Variants in MAF observed in about 807,000 individuals in gnomAD.
MAF encodes transcription factor Maf.
In MAF, 10 loss-of-function variants were observed where a neutral mutation model predicts 22.0. The ratio of observed to expected loss-of-function variants is 0.45; its 90% confidence interval spans 0.28 to 0.77. The LOEUF (loss-of-function observed/expected upper bound fraction) is 0.77, where lower values mean the gene tolerates loss of function less well. Among genes scored for constraint, MAF ranks in the 30% least tolerant of loss-of-function variants. MAF has a pLI of 0.12. For missense variants in MAF, 544 were observed against 548.4 expected, an observed-to-expected ratio of 0.99 and a Z score of 0.08; for synonymous variants, 337 against 255.8, an observed-to-expected ratio of 1.32 and a Z score of -3.03.
At chr16:79,491,749 A>C in the MAF span, among the ~76,000 whole-genome samples, 1 of 152,218 alleles carries the variant, frequency 6.6e-6, no homozygotes, top group East Asian at 1.9e-4. Context: ...TAATAAACCA[A>C]GCCCTGAAAA....
chr16:79,431,491 A>T, the MAF span, among the ~76,000 whole-genome samples: 1 of 152,194 alleles, frequency 6.6e-6, no homozygotes, highest in Non-Finnish European at 1.5e-5. Flanking sequence ...GTATTTAAAT[A>T]TTCCTGGGTT....
At chr16:79,391,244 T>A in the MAF span, among the ~76,000 whole-genome samples, 2 of 152,206 alleles carry the variant, frequency 1.3e-5, no homozygotes, top group East Asian at 1.9e-4. Context: ...ATGGGAATAA[T>A]AATGACATGC....
chr16:79,548,441 A>G, the MAF span, among the ~76,000 whole-genome samples: 1 of 152,210 alleles, frequency 6.6e-6, no homozygotes, highest in Non-Finnish European at 1.5e-5. Flanking sequence ...ATAACAAGGA[A>G]AAAACAGCTT....
At chr16:79,440,506 G>T in the MAF span, among the ~76,000 whole-genome samples, 2 of 152,096 alleles carry the variant, frequency 1.3e-5, no homozygotes, top group African/African-American at 4.8e-5. Flanking sequence ...TGCAATCTTG[G>T]CTCATTACAA....
At chr16:79,566,101 C>T in the MAF span, among the ~76,000 whole-genome samples, 1 of 152,188 alleles carries the variant, frequency 6.6e-6, no homozygotes, top group African/African-American at 2.4e-5. Flanking sequence ...CCAACCAACT[C>T]ACAGGTAATT....
At chr16:79,216,114 CAT>C in the MAF span, among the ~76,000 whole-genome samples, 1 of 151,910 alleles carries the variant, frequency 6.6e-6, no homozygotes, top group Non-Finnish European at 1.5e-5. Context: ...CCCCATTTGT[CAT>C]ATGTGCACAT....
chr16:79,578,159 C>G, the MAF span, among the ~76,000 whole-genome samples: 9 of 152,044 alleles, frequency 5.9e-5, 2 homozygotes, highest in South Asian at 4.2e-4. Context: ...TTTTTTAAAC[C>G]AGCATTTATA....
the MAF span, among the ~76,000 whole-genome samples, chr16:79,368,328 G>A: frequency 2.0e-5 from 3 of 152,064 alleles, no homozygotes. Context: ...GTAATGGCAG[G>A]GCATTAGCCA....
the MAF span, among the ~76,000 whole-genome samples, chr16:79,364,580 G>T: frequency 6.6e-6 from 1 of 152,190 alleles, no homozygotes; most frequent in Non-Finnish European, 1.5e-5. Context: ...CCCTGACAGA[G>T]CACACTGTTT....
chr16:79,483,556 G>C, the MAF span, among the ~76,000 whole-genome samples: 1 of 151,918 alleles, frequency 6.6e-6, no homozygotes, highest in Non-Finnish European at 1.5e-5. Context: ...AATAGAATGG[G>C]CAAGATTGAC....
the MAF span, among the ~76,000 whole-genome samples, chr16:79,333,772 A>C: frequency 1.3e-5 from 2 of 152,166 alleles, no homozygotes; most frequent in East Asian, 3.9e-4. Context: ...TGATATCACC[A>C]CATGCAGAAA....
chr16:79,595,658 C>T (rs1031372831), intron 1 of MAF: 1 of 1,057,952 alleles, frequency 9.5e-7, no homozygotes, highest in East Asian at 5.2e-5. Flanking sequence ...TAAGTCAGCC[C>T]CCATACACAG....
chr16:79,553,010 G>A, the MAF span, among the ~76,000 whole-genome samples: 1 of 152,222 alleles, frequency 6.6e-6, no homozygotes, highest in Admixed American at 6.5e-5. Context: ...TTGGGATATA[G>A]GCAAATTGGG....
chr16:79,232,933 C>T, the MAF span, among the ~76,000 whole-genome samples: 179 of 150,834 alleles, frequency 1.2e-3, no homozygotes, highest in African/African-American at 4.0e-3. Context: ...CTCTGCCTCC[C>T]GGGTTCACGC....
Position 79,600,019 on chromosome 16 carries a change from C to G in MAF, c.-117G>C. On this transcript the variant is annotated 5_prime_UTR_variant, in exon 1 of 2. Coordinates refer to ENST00000326043, the MANE Select transcript of MAF (RefSeq NM_005360.5). ...GCCAGCTTGCCGGGCTGGGGCGCTTCTAGCTTGCGCGGCGGTGGCTGGCCC... is the reference window on the plus strand; with the variant it reads ...GCCAGCTTGCCGGGCTGGGGCGCTTGTAGCTTGCGCGGCGGTGGCTGGCCC... The G allele has an allele frequency of 6.9e-7, 1 of 1,445,448 alleles. No homozygotes were observed. Among genetic ancestry groups the G allele is most frequent in the African/African-American group, 1.4e-5 (1 of 71,508 alleles). 89.5% of individuals were successfully genotyped at this position (1,445,448 alleles called of 1,614,324 possible).
chr16:79,474,677 T>C, the MAF span, among the ~76,000 whole-genome samples: 1 of 152,158 alleles, frequency 6.6e-6, no homozygotes, highest in South Asian at 2.1e-4. Context: ...CCCATCTGGA[T>C]GCCACACTCC....
the MAF span, among the ~76,000 whole-genome samples, chr16:79,236,226 A>G: frequency 1.1e-4 from 16 of 152,188 alleles, no homozygotes; most frequent in East Asian, 2.9e-3. Flanking sequence ...ATACAGAGGA[A>G]TACTTGAACA....
chr16:79,484,678 G>C, the MAF span, among the ~76,000 whole-genome samples: 1 of 152,206 alleles, frequency 6.6e-6, no homozygotes, highest in African/African-American at 2.4e-5. Flanking sequence ...TTTGGGCTCA[G>C]TTCTCACAAA....
chr16:79,516,936 G>C, the MAF span, among the ~76,000 whole-genome samples: 1 of 152,188 alleles, frequency 6.6e-6, no homozygotes, highest in African/African-American at 2.4e-5. Context: ...GCATGGCTAG[G>C]AAAAGGTTGA....
Sources: gnomAD v4.1 joint callset for allele counts (sites outside exome capture counted in the v4.1 genomes callset) on GRCh38, gnomAD v4.1.1 for gene constraint, MANE v1.5 for transcripts, NCBI Gene and HGNC (gene_info 2026-07-23, HGNC 2026-07-21) for gene names.